Variants in KHDRBS2 observed in about 807,000 individuals in gnomAD.
The protein encoded by KHDRBS2 is KH RNA binding domain containing, signal transduction associated 2.
Under a neutral mutation model 44.3 loss-of-function variants are expected in KHDRBS2, and 26 were observed. The observed-to-expected ratio is 0.59, with a 90% CI of 0.43 to 0.81. The LOEUF (loss-of-function observed/expected upper bound fraction) is 0.81. KHDRBS2 is among the 40% of genes least tolerant of loss of function. The pLI, the probability that KHDRBS2 is intolerant of heterozygous loss-of-function variation, is 0.00. For missense variants in KHDRBS2, 476 were observed against 433.1 expected (o/e 1.10, Z -0.88); for synonymous variants, 194 against 151.1 (o/e 1.28, Z -2.08).
intron 2 of KHDRBS2, among the ~76,000 whole-genome samples, chr6:62,173,813 A>G (rs527803563): frequency 6.6e-6 from 1 of 152,194 alleles, no homozygotes; most frequent in African/African-American, 2.4e-5. Flanking sequence ...ATAAAAAACC[A>G]TATGATCATT....
At chr6:62,153,408 G>A (rs994364702) in intron 2 of KHDRBS2, among the ~76,000 whole-genome samples, 1 of 151,966 alleles carries the variant, frequency 6.6e-6, no homozygotes, top group African/African-American at 2.4e-5. Flanking sequence ...AATAGCAAAT[G>A]GACACCTTCT....
At chr6:62,105,765 GTC>G (rs1385714520) in intron 2 of KHDRBS2, among the ~76,000 whole-genome samples, 1 of 151,908 alleles carries the variant, frequency 6.6e-6, no homozygotes, top group East Asian at 1.9e-4. Context: ...GGTTTTTTGT[GTC>G]TCTATTTCCT....
At chr6:62,247,794 C>A (rs1585407800) in intron 1 of KHDRBS2, among the ~76,000 whole-genome samples, 1 of 152,102 alleles carries the variant, frequency 6.6e-6, no homozygotes, top group Middle Eastern at 3.4e-3. Flanking sequence ...GATTAGAATA[C>A]CAAGGAACTA....
At chr6:61,822,998 T>C (rs1790204286) in intron 6 of KHDRBS2, among the ~76,000 whole-genome samples, 1 of 152,058 alleles carries the variant, frequency 6.6e-6, no homozygotes, top group African/African-American at 2.4e-5. Context: ...TGGGTAGTTT[T>C]TTTTTACTAT....
chr6:62,020,359 C>G (rs1358765507), intron 3 of KHDRBS2, among the ~76,000 whole-genome samples: 3 of 151,890 alleles, frequency 2.0e-5, no homozygotes, highest in Non-Finnish European at 4.4e-5. Flanking sequence ...TGTTTTATCA[C>G]CCAGAATGTG....
the KHDRBS2 span, among the ~76,000 whole-genome samples, chr6:61,559,130 T>C: frequency 5.3e-5 from 8 of 152,192 alleles, no homozygotes; most frequent in African/African-American, 1.2e-4. Context: ...ACAAGCATTA[T>C]ATCCATTTGC....
intron 2 of KHDRBS2, among the ~76,000 whole-genome samples, chr6:62,172,080 C>G (rs917942420): frequency 6.6e-6 from 1 of 152,082 alleles, no homozygotes; most frequent in African/African-American, 2.4e-5. Flanking sequence ...CATATCCAAA[C>G]TAACCTTGAA....
the KHDRBS2 span, among the ~76,000 whole-genome samples, chr6:61,666,937 A>G: frequency 6.6e-6 from 1 of 151,048 alleles, no homozygotes; most frequent in Non-Finnish European, 1.5e-5. Flanking sequence ...ATTGTTTAGT[A>G]AATTAAATTA....
the KHDRBS2 span, among the ~76,000 whole-genome samples, chr6:61,621,103 T>C: frequency 1.3e-5 from 2 of 152,136 alleles, no homozygotes; most frequent in Admixed American, 6.5e-5. Flanking sequence ...GGGGACTACA[T>C]TGCTTACTGC....
intron 4 of KHDRBS2, among the ~76,000 whole-genome samples, chr6:61,924,003 T>C (rs928847646): frequency 6.6e-6 from 1 of 152,144 alleles, no homozygotes; most frequent in Non-Finnish European, 1.5e-5. Flanking sequence ...TTTTATTTAC[T>C]AGCAATGAAC....
chr6:62,232,039 CTT>C (rs1397065778), intron 1 of KHDRBS2, among the ~76,000 whole-genome samples: 1 of 152,104 alleles, frequency 6.6e-6, no homozygotes, highest in Admixed American at 6.6e-5. Context: ...TTGCTGTACT[CTT>C]TGAGGGCAGT....
intron 1 of KHDRBS2, among the ~76,000 whole-genome samples, chr6:62,278,295 G>A (rs914483853): frequency 5.2e-4 from 79 of 152,200 alleles, no homozygotes; most frequent in African/African-American, 1.9e-3. Context: ...ATTTCCAGGG[G>A]TTTCTAAAAA....
At chr6:61,794,101 G>A (rs1160677067) in intron 6 of KHDRBS2, among the ~76,000 whole-genome samples, 11 of 152,062 alleles carry the variant, frequency 7.2e-5, no homozygotes, top group Non-Finnish European at 1.5e-5. Flanking sequence ...TAATAATTAA[G>A]GTCTAGAGAG....
At chr6:61,627,501 G>T in the KHDRBS2 span, among the ~76,000 whole-genome samples, 2 of 152,162 alleles carry the variant, frequency 1.3e-5, no homozygotes, top group South Asian at 2.1e-4. Context: ...GTGATTACAG[G>T]GTTGGGGCTT....
chr6:62,004,032 A>C (rs1201183151), intron 3 of KHDRBS2, among the ~76,000 whole-genome samples: 13 of 152,194 alleles, frequency 8.5e-5, no homozygotes, highest in Non-Finnish European at 1.3e-4. Context: ...ATAGCACTAA[A>C]TGCCCACAAG....
intron 4 of KHDRBS2, among the ~76,000 whole-genome samples, chr6:61,954,847 T>TACATATGTGTATATACAC (rs1765979744): frequency 6.7e-5 from 3 of 44,902 alleles, no homozygotes; most frequent in South Asian, 1.5e-3. Flanking sequence ...TATGTATACA[T>TACATATGTGTATATACAC]ATGCATGTGT....
At chr6:61,866,193 C>A (rs1797766389) in intron 6 of KHDRBS2, among the ~76,000 whole-genome samples, 1 of 152,218 alleles carries the variant, frequency 6.6e-6, no homozygotes, top group Non-Finnish European at 1.5e-5. Flanking sequence ...AGCAGAGGTT[C>A]TCATGAGAGT....
intron 2 of KHDRBS2, among the ~76,000 whole-genome samples, chr6:62,074,525 A>T (rs1795941094): frequency 6.6e-6 from 1 of 151,894 alleles, no homozygotes; most frequent in Admixed American, 6.6e-5. Context: ...CAAACCTAGG[A>T]TCAATAACAA....
chr6:61,953,006 A>C (rs1328838140), intron 4 of KHDRBS2, among the ~76,000 whole-genome samples: 1 of 151,958 alleles, frequency 6.6e-6, no homozygotes, highest in East Asian at 1.9e-4. Context: ...ATATTTGTAA[A>C]CATTTTAAAT....
Sources: gnomAD v4.1 joint callset for allele counts (sites outside exome capture counted in the v4.1 genomes callset) on GRCh38, gnomAD v4.1.1 for gene constraint, MANE v1.5 for transcripts, NCBI Gene and HGNC (gene_info 2026-07-23, HGNC 2026-07-21) for gene names.